The following ARHGEF28 variants were observed in gnomAD, a reference collection of about 807,000 sequenced individuals.
ARHGEF28 encodes the protein 190 kDa guanine nucleotide exchange factor.
In ARHGEF28, 152 loss-of-function variants were observed where a neutral mutation model predicts 206.6. The ratio of observed to expected loss-of-function variants is 0.74; its 90% CI spans 0.64 to 0.84. The LOEUF (loss-of-function observed/expected upper bound fraction) is 0.84, where lower values mean the gene tolerates loss of function less well. Ranked by LOEUF, ARHGEF28 falls within the 40% of genes least tolerant of loss-of-function variation. ARHGEF28 has a pLI of 0.00. For synonymous variants in ARHGEF28, 763 were observed against 776.4 expected (o/e 0.98, Z 0.29); for missense variants, 2,028 against 2,073.2 (o/e 0.98, Z 0.42).
chr5:73,698,021 C>G (rs1397579526), intron 2 of ARHGEF28, among the ~76,000 whole-genome samples: 1 of 152,048 alleles, frequency 6.6e-6, no homozygotes, highest in Non-Finnish European at 1.5e-5. Flanking sequence ...TGGAAGGATT[C>G]CCTTTCAGAA....
rs1487905360 is a variant in ARHGEF28, at chr5:73,753,127, G to A, written c.400G>A (p.Glu134Lys). 17 of 1,581,316 alleles carry A rather than the reference G, an allele frequency of 1.1e-5. No homozygotes were observed. Among genetic ancestry groups the A allele is most frequent in the Non-Finnish European group, 1.4e-5 (16 of 1,164,040 alleles). ...GGCAGGAGCACTGCCTGCCTTGGAT[G>A]AGGAGCTCGTGCTGGCTCTGACCCA... Reference protein sequence around the residue: ...LTAGALPALDEELVLALTHLE... With the variant: ...LTAGALPALDKELVLALTHLE... Residue 134 changes from glutamate to lysine, a missense_variant, in exon 4 of 36, where the codon GAG becomes AAG. Coordinates refer to ENST00000513042, the MANE Select transcript of ARHGEF28 (RefSeq NM_001177693.2).
At chr5:73,857,159 C>G (rs957786419) in intron 14 of ARHGEF28, among the ~76,000 whole-genome samples, 4 of 151,980 alleles carry the variant, frequency 2.6e-5, no homozygotes, top group Non-Finnish European at 5.9e-5. Flanking sequence ...TTTCTCAGGC[C>G]GTATCAACAG....
chr5:73,918,855 C>G (rs528261014), intron 35 of ARHGEF28, among the ~76,000 whole-genome samples: 18 of 152,282 alleles, frequency 1.2e-4, no homozygotes, highest in African/African-American at 4.1e-4. Flanking sequence ...ATACAGGTTC[C>G]TCTATTCAGA....
chr5:73,926,348 G>A (rs1763807999), intron 35 of ARHGEF28, among the ~76,000 whole-genome samples: 1 of 152,124 alleles, frequency 6.6e-6, no homozygotes, highest in East Asian at 1.9e-4. Flanking sequence ...GTTTCAGGGT[G>A]GCAGCATGTG....
intron 35 of ARHGEF28, among the ~76,000 whole-genome samples, chr5:73,926,117 C>A (rs1174095292): frequency 6.6e-6 from 1 of 152,190 alleles, no homozygotes; most frequent in African/African-American, 2.4e-5. Flanking sequence ...CAGCCCAGGG[C>A]AGGGCACATG....
intron 35 of ARHGEF28, among the ~76,000 whole-genome samples, chr5:73,934,096 T>C (rs6872328): frequency 0.021 from 3,205 of 152,290 alleles, 92 homozygotes; most frequent in African/African-American, 0.074. Context: ...TTTATTTTAT[T>C]AAATGCCTCT....
At chr5:73,717,394 C>T (rs1749649774) in intron 2 of ARHGEF28, among the ~76,000 whole-genome samples, 1 of 152,158 alleles carries the variant, frequency 6.6e-6, no homozygotes, top group South Asian at 2.1e-4. Flanking sequence ...TCGTCTTTAA[C>T]CTTGTCTTCT....
rs751373608 is a variant in ARHGEF28, at chr5:73,852,676, C to T, written c.1774C>T (p.Pro592Ser). Residue 592 changes from proline (P) to serine (S), a missense_variant, in exon 14 of 36, where the codon CCA becomes TCA. Pro to Ser is a moderately conservative substitution (Grantham distance 74, BLOSUM62 -1). Coordinates refer to ENST00000513042, the MANE Select transcript of ARHGEF28 (RefSeq NM_001177693.2). Reference sequence around the variant, plus strand: ...GCAAAGAGCTTACAGCTTATCGGAGCCACCAAGAGAAAACAGGTACTTTTA... The same window carrying T: ...GCAAAGAGCTTACAGCTTATCGGAGTCACCAAGAGAAAACAGGTACTTTTA... ...EEQRAYSLSE[P>S]PRENRIQEEE... is the part of the protein sequence containing the mutation. 3.1e-6 allele frequency: 5 copies of T among 1,613,576 alleles called. No homozygotes were observed. The highest frequency in any genetic ancestry group is 4.2e-6 in the Non-Finnish European group (5 of 1,179,660).
chr5:73,631,484 A>C lies in ARHGEF28; in HGVS notation c.-12+5162A>C, dbSNP rs78366589. 5.3e-3 allele frequency among the ~76,000 whole-genome samples: 802 copies of C among 152,288 alleles called. 4 individuals are homozygous for C. The highest frequency in any genetic ancestry group is 0.018 in the African/African-American group (751 of 41,570). ...CTTTGAGCCTCTAACCCAGGATTTC[A>C]AGCCCTGTTGTTCACTGGAACCACC... On this transcript the variant is annotated intron_variant, in intron 1 of 35. Coordinates refer to ENST00000513042, the MANE Select transcript of ARHGEF28 (RefSeq NM_001177693.2).
At position 73,793,798 on chromosome 5, in the gene ARHGEF28, C is replaced by CT. The variant is rs35889342; in HGVS notation, c.911-588dup. ...GATAAAAATGCTGCCTTGGGTGAAC[C>CT]TTTTTTTTTTTTTTTTCTTCATCCC... On this transcript the variant is annotated intron_variant, in intron 7 of 35. Transcript: ENST00000513042. 2.0e-3 allele frequency among the ~76,000 whole-genome samples: 283 copies of CT among 142,358 alleles called. 1 individual carries two copies. Among genetic ancestry groups the CT allele is most frequent in the African/African-American group, 4.0e-3 (153 of 37,786 alleles). 93.4% of individuals were successfully genotyped at this position (142,358 alleles called of 152,430 possible).
chr5:73,673,176 T>C (rs1746452450), intron 1 of ARHGEF28, among the ~76,000 whole-genome samples: 1 of 152,222 alleles, frequency 6.6e-6, no homozygotes, highest in Non-Finnish European at 1.5e-5. Flanking sequence ...CCCATTTCCA[T>C]TGTGCTGGCA....
intron 2 of ARHGEF28, among the ~76,000 whole-genome samples, chr5:73,715,330 T>G (rs1561352807): frequency 6.6e-6 from 1 of 152,134 alleles, no homozygotes. Context: ...ATGAATAAGC[T>G]CTAAGGACCC....
At chr5:73,817,926 G>A (rs1468999403) in intron 9 of ARHGEF28, among the ~76,000 whole-genome samples, 2 of 152,078 alleles carry the variant, frequency 1.3e-5, no homozygotes, top group South Asian at 2.1e-4. Context: ...GAAGTGACAG[G>A]GAGAGACTCT....
intron 1 of ARHGEF28, among the ~76,000 whole-genome samples, chr5:73,643,865 A>G (rs974756014): frequency 3.3e-5 from 5 of 151,994 alleles, no homozygotes; most frequent in African/African-American, 9.7e-5. Context: ...CACGATTACC[A>G]TGCATTTTAT....
chr5:73,931,341 A>C (rs1237290540), intron 35 of ARHGEF28, among the ~76,000 whole-genome samples: 1 of 152,062 alleles, frequency 6.6e-6, no homozygotes, highest in Non-Finnish European at 1.5e-5. Flanking sequence ...CGTTAAAGTC[A>C]TTTTTACTGG....
chr5:73,881,886 A>G (rs1760974914), intron 22 of ARHGEF28, among the ~76,000 whole-genome samples: 2 of 152,226 alleles, frequency 1.3e-5, no homozygotes, highest in African/African-American at 4.8e-5. Flanking sequence ...ATAAACAGGC[A>G]TTCTGGTTAT....
chr5:73,940,468 C>T (rs143005460), intron 35 of ARHGEF28, among the ~76,000 whole-genome samples: 2 of 152,310 alleles, frequency 1.3e-5, no homozygotes, highest in East Asian at 3.9e-4. Context: ...GACAGATATT[C>T]TGAGGGAAGG....
intron 7 of ARHGEF28, among the ~76,000 whole-genome samples, chr5:73,789,447 G>C (rs1031432884): frequency 6.6e-6 from 1 of 152,098 alleles, no homozygotes; most frequent in Non-Finnish European, 1.5e-5. Flanking sequence ...TAATGCGTGT[G>C]GGGTTTTCTC....
intron 1 of ARHGEF28, among the ~76,000 whole-genome samples, chr5:73,648,699 C>T (rs1448792575): frequency 6.6e-6 from 1 of 152,132 alleles, no homozygotes; most frequent in African/African-American, 2.4e-5. Flanking sequence ...TGGGCTGGCC[C>T]CTGAGATATC....
Sources: gnomAD v4.1 joint callset for allele counts (sites outside exome capture counted in the v4.1 genomes callset) on GRCh38, gnomAD v4.1.1 for gene constraint, MANE v1.5 for transcripts, NCBI Gene and HGNC (gene_info 2026-07-23, HGNC 2026-07-21) for gene names.